CAB39L: variants seen among roughly 807,000 people sequenced by gnomAD.
The protein encoded by CAB39L is calcium-binding protein 39-like.
Under a neutral mutation model 39.1 loss-of-function variants are expected in CAB39L, and 23 were observed. The ratio of observed to expected loss-of-function variants is 0.59; its 90% CI spans 0.42 to 0.83. CAB39L has a LOEUF of 0.83. CAB39L is among the 40% of genes least tolerant of loss of function. The pLI is 0.00. For missense variants in CAB39L, 366 were observed against 391.9 expected (o/e 0.93, Z 0.56); for synonymous variants, 126 against 137.2 (o/e 0.92, Z 0.57).
At chr13:49,398,187 G>T (rs972236708) in intron 3 of CAB39L, among the ~76,000 whole-genome samples, 1 of 152,052 alleles carries the variant, frequency 6.6e-6, no homozygotes, top group Non-Finnish European at 1.5e-5. Context: ...TCCAAAGTTG[G>T]AAGGGACTAT....
chr13:49,384,636 T>A (rs1225416685), intron 3 of CAB39L, among the ~76,000 whole-genome samples: 1 of 152,204 alleles, frequency 6.6e-6, no homozygotes, highest in Admixed American at 6.5e-5. Flanking sequence ...AATATGAACA[T>A]ATGAAATGTA....
chr13:49,406,664 G>GA (rs1053647794), intron 3 of CAB39L, among the ~76,000 whole-genome samples: 3 of 150,966 alleles, frequency 2.0e-5, no homozygotes, highest in African/African-American at 7.3e-5. Flanking sequence ...CACCTTAATT[G>GA]AAAAAAAAGT....
intron 5 of CAB39L, among the ~76,000 whole-genome samples, chr13:49,374,876 G>A (rs906824789): frequency 5.9e-5 from 9 of 152,138 alleles, no homozygotes; most frequent in Non-Finnish European, 1.2e-4. Context: ...TAACTCAAGC[G>A]TACTTATGAA....
At chr13:49,368,547 A>C (rs1244787054) in intron 5 of CAB39L, among the ~76,000 whole-genome samples, 2 of 152,232 alleles carry the variant, frequency 1.3e-5, no homozygotes, top group Non-Finnish European at 2.9e-5. Context: ...CCAGAAAAAA[A>C]AGACAGAAAA....
intron 7 of CAB39L, among the ~76,000 whole-genome samples, chr13:49,349,330 A>C (rs1325064624): frequency 6.6e-6 from 1 of 151,920 alleles, no homozygotes; most frequent in Non-Finnish European, 1.5e-5. Context: ...CATGGATTAC[A>C]ATTAAGTAAA....
chr13:49,436,975 T>G (rs1957428494), intron 1 of CAB39L, among the ~76,000 whole-genome samples: 1 of 152,194 alleles, frequency 6.6e-6, no homozygotes. Flanking sequence ...CTCACTATAG[T>G]GCCCAGGCTG....
chr13:49,396,735 G>T (rs183624358), intron 3 of CAB39L, among the ~76,000 whole-genome samples: 1 of 151,986 alleles, frequency 6.6e-6, no homozygotes. Context: ...ATTCAGAAAA[G>T]GTCAGGGATG....
chr13:49,375,035 T>A (rs1440618409), intron 5 of CAB39L, among the ~76,000 whole-genome samples: 1 of 152,062 alleles, frequency 6.6e-6, no homozygotes, highest in Admixed American at 6.6e-5. Flanking sequence ...AATCAAGGGT[T>A]ATAACAAAAA....
At chr13:49,378,410 TG>T (rs1372694613) in intron 4 of CAB39L, among the ~76,000 whole-genome samples, 2 of 39,740 alleles carry the variant, frequency 5.0e-5, no homozygotes, top group Non-Finnish European at 9.2e-5. Flanking sequence ...GGGAGGGAGG[TG>T]GGGGGGTCAG....
At chr13:49,370,067 G>A (rs1955876144) in intron 5 of CAB39L, among the ~76,000 whole-genome samples, 1 of 152,114 alleles carries the variant, frequency 6.6e-6, no homozygotes, top group Non-Finnish European at 1.5e-5. Context: ...TGAGGTGGGT[G>A]GGAGCAAGTG....
At chr13:49,351,190 T>C (rs1038665412) in intron 6 of CAB39L, 2 of 270,264 alleles carry the variant, frequency 7.4e-6, no homozygotes, top group African/African-American at 4.5e-5. Context: ...AATGAAAAGA[T>C]AATTTCATAC....
intron 5 of CAB39L, among the ~76,000 whole-genome samples, chr13:49,367,945 G>C (rs1955813521): frequency 6.6e-6 from 1 of 151,260 alleles, no homozygotes; most frequent in African/African-American, 2.4e-5. Flanking sequence ...AAAAAAAAAG[G>C]TTGAATTACA....
chr13:49,407,604 A>G (rs1272652884), intron 3 of CAB39L, among the ~76,000 whole-genome samples: 2 of 152,192 alleles, frequency 1.3e-5, no homozygotes, highest in Non-Finnish European at 2.9e-5. Flanking sequence ...TATATGATTA[A>G]GTGCCACCTC....
intron 3 of CAB39L, among the ~76,000 whole-genome samples, chr13:49,397,620 A>C (rs1294302674): frequency 6.6e-6 from 1 of 152,126 alleles, no homozygotes; most frequent in African/African-American, 2.4e-5. Context: ...CAGAAAAAAA[A>C]ACTAGTAACT....
At chr13:49,348,507 G>T (rs1955246021) in intron 7 of CAB39L, among the ~76,000 whole-genome samples, 1 of 152,138 alleles carries the variant, frequency 6.6e-6, no homozygotes, top group Non-Finnish European at 1.5e-5. Context: ...GGCTGAGGCT[G>T]CAATGAGCTG....
intron 6 of CAB39L, 28 bp downstream of exon 6, chr13:49,359,686 C>A (rs1458040137): frequency 8.1e-7 from 1 of 1,229,196 alleles, no homozygotes; most frequent in South Asian, 1.3e-5. Flanking sequence ...AAAACTTAGC[C>A]CTACTTGAAA....
chr13:49,389,297 G>A (rs1004151303), intron 3 of CAB39L, among the ~76,000 whole-genome samples: 1 of 152,130 alleles, frequency 6.6e-6, no homozygotes, highest in Admixed American at 6.5e-5. Context: ...ATTTACAATA[G>A]CCAAGACATG....
intron 3 of CAB39L, among the ~76,000 whole-genome samples, chr13:49,425,162 A>T (rs906955282): frequency 6.6e-6 from 1 of 152,102 alleles, no homozygotes; most frequent in African/African-American, 2.4e-5. Flanking sequence ...CAGGAGGTTA[A>T]AAAAGTAAAC....
intron 9 of CAB39L, among the ~76,000 whole-genome samples, chr13:49,333,438 C>T (rs1954763731): frequency 6.6e-6 from 1 of 152,078 alleles, no homozygotes. Context: ...GATCTGCTAT[C>T]TTTTATCTCC....
Sources: gnomAD v4.1 joint callset for allele counts (sites outside exome capture counted in the v4.1 genomes callset) on GRCh38, gnomAD v4.1.1 for gene constraint, MANE v1.5 for transcripts, NCBI Gene and HGNC (gene_info 2026-07-23, HGNC 2026-07-21) for gene names.